The following CCDC63 variants were observed in gnomAD, a reference collection of about 807,000 sequenced individuals.
CCDC63 encodes coiled-coil domain containing 63.
A neutral mutation model predicts 63.6 loss-of-function variants in CCDC63; 54 were observed. The ratio of observed to expected loss-of-function variants is 0.85; its 90% confidence interval spans 0.68 to 1.07. The LOEUF is 1.07. Among genes scored for constraint, CCDC63 ranks in the 50% least tolerant of loss-of-function variants. CCDC63 has a pLI of 0.00. For missense variants in CCDC63, 637 were observed against 689.6 expected, an observed-to-expected ratio of 0.92 and a Z score of 0.86; for synonymous variants, 253 against 266.1, an observed-to-expected ratio of 0.95 and a Z score of 0.48.
At chr12:110,897,752 A>G (rs1429899361) in intron 9 of CCDC63, among the ~76,000 whole-genome samples, 33 of 96,692 alleles carry the variant, frequency 3.4e-4, no homozygotes, top group African/African-American at 1.4e-3. Flanking sequence ...TTTTTTTTTG[A>G]GATAGAGTCT....
At chr12:110,897,184 C>A (rs2071424967) in intron 9 of CCDC63, among the ~76,000 whole-genome samples, 2 of 151,720 alleles carry the variant, frequency 1.3e-5, no homozygotes, top group Admixed American at 1.3e-4. Context: ...CTGTTAATCC[C>A]AGAACTTTGG....
In CCDC63 at chr12:110,904,752, G is replaced by C; in HGVS notation, c.1507G>C (p.Val503Leu). The change falls in exon 11 of 12, where the codon GTG (valine) becomes CTG (leucine). Residue 503 changes from valine to leucine, a missense_variant. Transcript: ENST00000308208. ...AGAACCCATCAAAGTCATCCCCCCA[G>C]TGCTGGGGGCTGACCCCTTCAGCGA... ...PPEPIKVIPP[V>L]LGADPFSDRL... The C allele has an allele frequency of 6.2e-7, 1 of 1,613,926 alleles. No individual in the cohort carries two copies. The highest frequency in any genetic ancestry group is 8.5e-7 in the Non-Finnish European group (1 of 1,179,934).
chr12:110,844,497 T>C (rs1465519724), upstream of CCDC63, among the ~76,000 whole-genome samples: 1 of 152,144 alleles, frequency 6.6e-6, no homozygotes, highest in East Asian at 1.9e-4. Flanking sequence ...TGCTTTCTTG[T>C]TTGCATCCAT....
intron 5 of CCDC63, among the ~76,000 whole-genome samples, chr12:110,878,045 T>C (rs1390716600): frequency 6.6e-6 from 1 of 151,938 alleles, no homozygotes; most frequent in African/African-American, 2.4e-5. Flanking sequence ...ATAAATGAGA[T>C]CATGCAATAT....
intron 10 of CCDC63, 132 bp downstream of exon 10, chr12:110,899,257 T>A (rs1327501119): frequency 2.0e-5 from 15 of 746,692 alleles, no homozygotes; most frequent in South Asian, 6.2e-5. Context: ...CCAGCCTGCC[T>A]GGGTTTGAAT....
At chr12:110,853,652 T>C in intron 3 of CCDC63, 78 bp downstream of exon 3, 1 of 1,546,850 alleles carries the variant, frequency 6.5e-7, no homozygotes. Flanking sequence ...TTGTCTTCTG[T>C]TCTGTGACCC....
At chr12:110,893,454 G>C (rs181030249) in intron 9 of CCDC63, among the ~76,000 whole-genome samples, 1 of 152,150 alleles carries the variant, frequency 6.6e-6, no homozygotes, top group Non-Finnish European at 1.5e-5. Context: ...TCCCTGATGG[G>C]CTCCTTCCAC....
At chr12:110,860,551 AG>A (rs2070840045) in intron 4 of CCDC63, among the ~76,000 whole-genome samples, 1 of 152,250 alleles carries the variant, frequency 6.6e-6, no homozygotes, top group Non-Finnish European at 1.5e-5. Flanking sequence ...ATTGCTATAA[AG>A]AAACGGCTGA....
At chr12:110,868,075 G>C (rs968669838) in intron 4 of CCDC63, among the ~76,000 whole-genome samples, 1 of 149,482 alleles carries the variant, frequency 6.7e-6, no homozygotes, top group African/African-American at 2.5e-5. Context: ...GGGCAGAGGT[G>C]CTCCTCACAT....
intron 9 of CCDC63, among the ~76,000 whole-genome samples, chr12:110,897,275 T>A (rs539779325): frequency 2.7e-4 from 39 of 144,828 alleles, no homozygotes; most frequent in African/African-American, 9.4e-4. Context: ...TCTCTAATTT[T>A]ATTAAAAAAA....
intron 10 of CCDC63, among the ~76,000 whole-genome samples, chr12:110,902,920 T>C (rs2071508351): frequency 6.8e-6 from 1 of 147,722 alleles, no homozygotes; most frequent in Non-Finnish European, 1.5e-5. Context: ...TCTCGCTCTG[T>C]CACCCAGGCT....
chr12:110,898,338 G>T (rs1331292303), intron 9 of CCDC63, among the ~76,000 whole-genome samples: 1 of 147,428 alleles, frequency 6.8e-6, no homozygotes, highest in Non-Finnish European at 1.5e-5. Flanking sequence ...AAAAAATATT[G>T]TAGGCTGGGC....
intron 4 of CCDC63, among the ~76,000 whole-genome samples, chr12:110,869,173 G>A (rs988552193): frequency 1.3e-5 from 2 of 152,182 alleles, no homozygotes; most frequent in African/African-American, 2.4e-5. Context: ...ATTCCCAGCT[G>A]GAGGCTGACA....
At chr12:110,895,421 A>G (rs1044682544) in intron 9 of CCDC63, among the ~76,000 whole-genome samples, 3 of 152,218 alleles carry the variant, frequency 2.0e-5, no homozygotes, top group African/African-American at 7.2e-5. Flanking sequence ...GGCCAGAATC[A>G]GTCTTGATAG....
At chr12:110,847,215 G>A (rs1219426890) in intron 1 of CCDC63, 110 bp downstream of exon 1, 1 of 152,238 alleles carries the variant, frequency 6.6e-6, no homozygotes, top group Admixed American at 6.5e-5. Context: ...GCTGCCCTAA[G>A]CGTTGAAAGT....
At chr12:110,876,639 A>G (rs2071133963) in intron 5 of CCDC63, among the ~76,000 whole-genome samples, 1 of 152,044 alleles carries the variant, frequency 6.6e-6, no homozygotes, top group African/African-American at 2.4e-5. Context: ...GTGAAATTAA[A>G]TCCCCTTGCT....
In CCDC63 at chr12:110,874,066, G is replaced by T; in HGVS notation, c.489+105G>T. ...TTAGCAGAACATACCCATTTCCCTG[G>T]TTGACTCAGGAGCAGGTGAACTAAT... is the stretch of plus-strand genomic sequence containing the variant. On this transcript the variant is annotated intron_variant, in intron 5 of 11. Coordinates refer to ENST00000308208, the MANE Select transcript of CCDC63 (RefSeq NM_152591.3). 2.1e-6 allele frequency: 3 copies of T among 1,424,718 alleles called. No homozygotes were observed. The South Asian group carries it at 4.4e-5, about 21-fold the overall frequency. 88.3% of individuals were successfully genotyped at this position (1,424,718 alleles called of 1,614,324 possible). A position where few individuals can be genotyped will look rare whatever the true frequency, so the allele number is the denominator to read the frequency against.
At chr12:110,856,412 T>C (rs1381947744) in intron 3 of CCDC63, among the ~76,000 whole-genome samples, 3 of 151,966 alleles carry the variant, frequency 2.0e-5, no homozygotes, top group South Asian at 2.1e-4. Context: ...AGTATTGTAC[T>C]CTCTTTTTTC....
chr12:110,869,972 A>G (rs1328707228), intron 4 of CCDC63, among the ~76,000 whole-genome samples: 1 of 152,222 alleles, frequency 6.6e-6, no homozygotes, highest in African/African-American at 2.4e-5. Flanking sequence ...TAGTTCTCAC[A>G]TATCCTTCAC....
Sources: allele counts gnomAD v4.1 joint callset (sites outside exome capture counted in the v4.1 genomes callset), GRCh38; gene constraint gnomAD v4.1.1; transcripts MANE v1.5; gene names NCBI Gene and HGNC (gene_info 2026-07-23, HGNC 2026-07-21).